Variants in PLXDC2 observed in about 807,000 individuals in gnomAD.
The protein encoded by PLXDC2 is plexin domain containing 2, also known as plexin domain-containing protein 2.
In PLXDC2, 40 loss-of-function variants were observed where a neutral mutation model predicts 68.9. The ratio of observed to expected loss-of-function variants is 0.58; its 90% CI spans 0.45 to 0.76. The LOEUF (loss-of-function observed/expected upper bound fraction) is 0.76. PLXDC2 is among the 30% of genes least tolerant of loss of function. PLXDC2 has a pLI of 0.00. For missense variants in PLXDC2, 644 were observed against 661.9 expected (o/e 0.97, Z 0.30); for synonymous variants, 243 against 234.2 (o/e 1.04, Z -0.34).
intron 1 of PLXDC2, among the ~76,000 whole-genome samples, chr10:19,997,110 C>T (rs1834857565): frequency 6.6e-6 from 1 of 152,146 alleles, no homozygotes; most frequent in South Asian, 2.1e-4. Context: ...GTGTCTAGGT[C>T]CCATTCAACT....
At chr10:19,962,800 C>T (rs1184497885) in intron 1 of PLXDC2, among the ~76,000 whole-genome samples, 2 of 149,102 alleles carry the variant, frequency 1.3e-5, no homozygotes, top group Admixed American at 6.6e-5. Context: ...TCCTGGCTAA[C>T]ACGGTGAAAC....
intron 13 of PLXDC2, among the ~76,000 whole-genome samples, chr10:20,275,786 G>A (rs756711973): frequency 6.6e-5 from 10 of 152,030 alleles, no homozygotes; most frequent in Non-Finnish European, 1.0e-4. Context: ...GGTGGCAGGC[G>A]CCTGTAATCC....
At chr10:20,227,997 A>G (rs1229473358) in intron 12 of PLXDC2, among the ~76,000 whole-genome samples, 1 of 152,142 alleles carries the variant, frequency 6.6e-6, no homozygotes, top group Non-Finnish European at 1.5e-5. Context: ...GAAAGTGACG[A>G]AGGTGGTTCC....
At chr10:20,009,583 G>T (rs1177395761) in intron 2 of PLXDC2, among the ~76,000 whole-genome samples, 1 of 151,782 alleles carries the variant, frequency 6.6e-6, no homozygotes, top group Non-Finnish European at 1.5e-5. Flanking sequence ...GCATGTGAAA[G>T]CACGTAATTG....
intron 9 of PLXDC2, among the ~76,000 whole-genome samples, chr10:20,185,085 C>A (rs1834663396): frequency 7.2e-6 from 1 of 138,806 alleles, no homozygotes; most frequent in African/African-American, 2.7e-5. Context: ...TTGATAGGTG[C>A]AGCAAACCAC....
chr10:20,044,282 TTTCTTTCTTTC>T (rs1367575585), intron 2 of PLXDC2, among the ~76,000 whole-genome samples: 5 of 118,894 alleles, frequency 4.2e-5, no homozygotes, highest in African/African-American at 9.9e-5. Context: ...TCTTTCTTTC[TTTCTTTCTTTC>T]TTCTTTCTCT....
chr10:20,277,051 A>G (rs1836016011), intron 13 of PLXDC2, among the ~76,000 whole-genome samples: 1 of 152,044 alleles, frequency 6.6e-6, no homozygotes. Flanking sequence ...TCTACTAAAA[A>G]TACAAAAACT....
intron 1 of PLXDC2, among the ~76,000 whole-genome samples, chr10:19,968,743 G>A (rs1006288871): frequency 6.6e-6 from 1 of 152,194 alleles, no homozygotes; most frequent in Non-Finnish European, 1.5e-5. Flanking sequence ...GTAAATAGTA[G>A]CAGGATATAG....
intron 12 of PLXDC2, among the ~76,000 whole-genome samples, chr10:20,238,688 T>C (rs987227742): frequency 1.6e-5 from 2 of 127,372 alleles, no homozygotes; most frequent in East Asian, 2.3e-4. Context: ...TATATATATA[T>C]ATATACACAC....
intron 1 of PLXDC2, among the ~76,000 whole-genome samples, chr10:19,888,700 A>G (rs1837892470): frequency 6.6e-6 from 1 of 152,150 alleles, no homozygotes; most frequent in Non-Finnish European, 1.5e-5. Flanking sequence ...AGTGACATAC[A>G]TCCGAGAAGT....
chr10:20,270,132 A>C (rs1029039799), intron 13 of PLXDC2, among the ~76,000 whole-genome samples: 1 of 152,152 alleles, frequency 6.6e-6, no homozygotes, highest in African/African-American at 2.4e-5. Context: ...GATGGTCCCA[A>C]GGGAGTTAGA....
intron 4 of PLXDC2, among the ~76,000 whole-genome samples, chr10:20,134,260 C>G (rs951413066): frequency 6.6e-6 from 1 of 152,162 alleles, no homozygotes; most frequent in African/African-American, 2.4e-5. Flanking sequence ...TATCTTGATG[C>G]TATCATGTTT....
In PLXDC2 at chr10:20,288,935, C is replaced by G. The variant is rs1836194711; in HGVS notation, c.*9116C>G. ...AGAAGCAAACCATGTTTTTCACTTA[C>G]AGTAGGAGTCAACAAATTTGGGATT... On this transcript the variant is annotated 3_prime_UTR_variant, in exon 14 of 14. Coordinates refer to ENST00000377252, the MANE Select transcript of PLXDC2 (RefSeq NM_032812.9). The G allele has an allele frequency of 6.6e-6, 1 of 152,118 alleles. No homozygotes were observed. The highest frequency in any genetic ancestry group is 2.4e-5 in the African/African-American group (1 of 41,408). The allele number at this position is 152,118 out of a possible 1,614,324, so 9.4% of individuals were successfully genotyped here.
intron 6 of PLXDC2, among the ~76,000 whole-genome samples, chr10:20,149,546 AT>A (rs772976111): frequency 3.4e-4 from 52 of 151,446 alleles, no homozygotes; most frequent in Non-Finnish European, 6.6e-4. Context: ...GCCGATAGTT[AT>A]TTTTTCTGAT....
intron 1 of PLXDC2, among the ~76,000 whole-genome samples, chr10:19,956,805 C>G (rs952085777): frequency 7.3e-4 from 111 of 152,118 alleles, no homozygotes; most frequent in African/African-American, 2.5e-3. Context: ...TGGCTTAGTC[C>G]AAGTGTATTG....
At chr10:19,982,564 C>T (rs1364974232) in intron 1 of PLXDC2, among the ~76,000 whole-genome samples, 1 of 152,118 alleles carries the variant, frequency 6.6e-6, no homozygotes, top group East Asian at 1.9e-4. Flanking sequence ...TGTTTTTATA[C>T]AGGATCGGTA....
At chr10:20,101,204 C>G (rs1409298506) in intron 4 of PLXDC2, among the ~76,000 whole-genome samples, 1 of 152,264 alleles carries the variant, frequency 6.6e-6, no homozygotes, top group East Asian at 1.9e-4. Flanking sequence ...TAGTGTTGAT[C>G]TATTTATCCA....
chr10:20,272,268 T>C (rs1835950077), intron 13 of PLXDC2, among the ~76,000 whole-genome samples: 1 of 152,198 alleles, frequency 6.6e-6, no homozygotes. Flanking sequence ...ACAATGTGTA[T>C]TGAAGTACCT....
At chr10:20,240,396 A>G (rs759707404) in intron 12 of PLXDC2, among the ~76,000 whole-genome samples, 3 of 152,196 alleles carry the variant, frequency 2.0e-5, no homozygotes, top group Non-Finnish European at 2.9e-5. Flanking sequence ...TAATGGACAT[A>G]ATGTGTCTTT....
Sources: allele counts gnomAD v4.1 joint callset (sites outside exome capture counted in the v4.1 genomes callset), GRCh38; gene constraint gnomAD v4.1.1; transcripts MANE v1.5; gene names NCBI Gene and HGNC (gene_info 2026-07-23, HGNC 2026-07-21).